The following ALG13 variants were observed in gnomAD, a reference collection of about 807,000 sequenced individuals.
The protein encoded by ALG13 is UDP-N-acetylglucosamine transferase subunit ALG13.
In ALG13, 11 loss-of-function variants were observed where a neutral mutation model predicts 87.8. That is an observed-to-expected ratio of 0.13 (90% CI 0.08 to 0.21). ALG13 has a LOEUF of 0.21. ALG13 is among the 10% of genes least tolerant of loss of function. ALG13 has a pLI of 1.00. For missense variants in ALG13, 756 were observed against 866.1 expected, an observed-to-expected ratio of 0.87 and a Z score of 1.60; for synonymous variants, 320 against 306.3, an observed-to-expected ratio of 1.04 and a Z score of -0.47.
intron 23 of ALG13, among the ~76,000 whole-genome samples, chrX:111,741,097 G>C (rs1411702356): frequency 8.9e-6 from 1 of 112,148 alleles, no homozygotes; most frequent in Non-Finnish European, 1.9e-5. Flanking sequence ...AATCAGTCCT[G>C]AATTTGATTC....
chrX:111,734,932 T>G, intron 21 of ALG13, 119 bp from the exon 22 acceptor site: 1 of 481,155 alleles, frequency 2.1e-6, no homozygotes, highest in Admixed American at 4.1e-5. Flanking sequence ...GTCTTAGGAG[T>G]CACTTCCAAA....
intron 3 of ALG13, among the ~76,000 whole-genome samples, chrX:111,693,483 C>T (rs1359354700): frequency 3.7e-5 from 4 of 109,360 alleles, no homozygotes; most frequent in Non-Finnish European, 5.7e-5. Context: ...TGGCCTCAAG[C>T]GATCCACCCA....
At chrX:111,756,078 G>A (rs1371462017) in intron 25 of ALG13, among the ~76,000 whole-genome samples, 1 of 112,220 alleles carries the variant, frequency 8.9e-6, no homozygotes, top group Non-Finnish European at 1.9e-5. Context: ...GGAATACTAT[G>A]CAGCCATAAA....
chrX:111,730,474 AT>A (rs1299034936), intron 20 of ALG13, 47 bp downstream of exon 20: 1 of 1,191,971 alleles, frequency 8.4e-7, no homozygotes, highest in Non-Finnish European at 1.1e-6. Context: ...TGTTTATAGA[AT>A]TTCAAGCTAT....
chrX:111,693,164 CTTT>C (rs61239915), intron 3 of ALG13, among the ~76,000 whole-genome samples: 1 of 55,110 alleles, frequency 1.8e-5, no homozygotes. Context: ...GTTTTTAATT[CTTT>C]TTTTTTTTTT....
intron 3 of ALG13, among the ~76,000 whole-genome samples, chrX:111,701,118 G>T (rs372596842): frequency 1.8e-5 from 2 of 111,525 alleles, no homozygotes; most frequent in African/African-American, 6.5e-5. Context: ...GCTTGCTAGG[G>T]TTTTGTTGAC....
At chrX:111,702,795 A>G (rs1194225141) in intron 3 of ALG13, among the ~76,000 whole-genome samples, 2 of 110,262 alleles carry the variant, frequency 1.8e-5, no homozygotes, top group African/African-American at 3.3e-5. Context: ...TTGGTTTCAC[A>G]TATCTTCAGT....
chrX:111,708,044 G>A lies in ALG13; in HGVS notation c.401G>A (p.Gly134Glu). ...YCTCRVLTCP[G>E]QAKSIASAPG... ...TTTCACAGGGTCCTGACTTGTCCTG[G>A]GCAAGCCAAGTCCATTGCTTCTGCT... The change falls in exon 4 of 27, where the codon GGG (glycine) becomes GAG (glutamate). Residue 134 changes from glycine (G) to glutamate (E), a missense_variant. Physicochemically the swap from Gly to Glu is moderately conservative, Grantham distance 98. Coordinates refer to ENST00000394780, the MANE Select transcript of ALG13 (RefSeq NM_001099922.3). 1 of 1,208,655 alleles carries A rather than the reference G, an allele frequency of 8.3e-7. No individual in the cohort carries two copies. The highest frequency in any genetic ancestry group is 1.1e-6 in the Non-Finnish European group (1 of 894,125).
At chrX:111,716,811 G>C (rs777951440) in intron 8 of ALG13, 19 of 112,117 alleles carry the variant, frequency 1.7e-4, no homozygotes, top group Non-Finnish European at 3.6e-4. Context: ...TTCTGCCAAG[G>C]AGGCTTGGTG....
intron 26 of ALG13, among the ~76,000 whole-genome samples, chrX:111,759,013 A>G (rs1308110381): frequency 9.0e-6 from 1 of 110,521 alleles, no homozygotes; most frequent in Non-Finnish European, 1.9e-5. Flanking sequence ...TTTTTAAAGC[A>G]TATTACAGTG....
intron 19 of ALG13, 36 bp downstream of exon 19, chrX:111,728,341 T>A: frequency 8.3e-7 from 1 of 1,199,291 alleles, no homozygotes. Context: ...TTTAAAAGAT[T>A]CTTGTGGCAT....
At chrX:111,729,254 C>T (rs775875918) in intron 19 of ALG13, among the ~76,000 whole-genome samples, 3 of 111,385 alleles carry the variant, frequency 2.7e-5, no homozygotes, top group Non-Finnish European at 5.7e-5. Flanking sequence ...TTATTTTTAC[C>T]TTGTTACTTT....
intron 24 of ALG13, 64 bp from the exon 25 acceptor site, chrX:111,752,726 T>C: frequency 1.1e-6 from 1 of 898,992 alleles, no homozygotes; most frequent in Non-Finnish European, 1.6e-6. Context: ...AGAAAAGCTT[T>C]TAAAAGATAA....
intron 1 of ALG13, chrX:111,681,565 T>C: frequency 1.0e-6 from 1 of 957,036 alleles, no homozygotes; most frequent in Non-Finnish European, 1.3e-6. Context: ...TTTTCCGGTC[T>C]GCCCCCGCGC....
At chrX:111,740,411 G>A (rs1214762352) in intron 23 of ALG13, among the ~76,000 whole-genome samples, 2 of 111,542 alleles carry the variant, frequency 1.8e-5, no homozygotes, top group Admixed American at 9.6e-5. Context: ...AGAAGTATCA[G>A]TATGAACTTG....
chrX:111,729,662 A>C (rs1225642326), intron 19 of ALG13, among the ~76,000 whole-genome samples: 1 of 111,890 alleles, frequency 8.9e-6, no homozygotes, highest in African/African-American at 3.3e-5. Context: ...AATTTAGTTT[A>C]GAACTGCGGG....
chrX:111,737,949 G>T (rs770548195), intron 23 of ALG13, among the ~76,000 whole-genome samples: 15 of 112,185 alleles, frequency 1.3e-4, no homozygotes, highest in Non-Finnish European at 2.6e-4. Flanking sequence ...AGAGAAAAGA[G>T]CAGGTCAGGG....
intron 3 of ALG13, among the ~76,000 whole-genome samples, chrX:111,698,818 A>C (rs913336705): frequency 1.8e-5 from 2 of 111,796 alleles, no homozygotes; most frequent in Admixed American, 1.9e-4. Flanking sequence ...TTCTGTAATG[A>C]ACACGGGAGT....
intron 15 of ALG13, among the ~76,000 whole-genome samples, chrX:111,725,521 G>GT (rs1335182233): frequency 9.0e-6 from 1 of 111,199 alleles, no homozygotes; most frequent in Non-Finnish European, 1.9e-5. Context: ...AAAATAGGTA[G>GT]TAGGATTAAG....
Sources: allele counts gnomAD v4.1 joint callset (sites outside exome capture counted in the v4.1 genomes callset), GRCh38; gene constraint gnomAD v4.1.1; transcripts MANE v1.5; gene names NCBI Gene and HGNC (gene_info 2026-07-23, HGNC 2026-07-21).